RFX1: variants seen among roughly 807,000 people sequenced by gnomAD.
The protein encoded by RFX1 is regulatory factor X1, also known as MHC class II regulatory factor RFX1.
RFX1 carries 42 observed loss-of-function variants against 119.6 expected under a neutral mutation model. The observed-to-expected ratio is 0.35, with a 90% CI of 0.27 to 0.45. RFX1 has a LOEUF of 0.45. Ranked by LOEUF, RFX1 falls within the 20% of genes least tolerant of loss-of-function variation. The pLI is 1.00. For synonymous variants in RFX1, 628 were observed against 618.5 expected (o/e 1.02, Z -0.23); for missense variants, 1,118 against 1,368.1 (o/e 0.82, Z 2.88).
intron 4 of RFX1, among the ~76,000 whole-genome samples, chr19:13,982,826 G>C (rs983698558): frequency 6.6e-6 from 1 of 152,162 alleles, no homozygotes; most frequent in African/African-American, 2.4e-5. Flanking sequence ...GGGTGTGCGC[G>C]GCACCTCATG....
rs376362982 is a variant in RFX1 at position 13,963,212 on chromosome 19, G to A, written c.2634C>T (p.Ile878=). Residue 878 remains isoleucine, a synonymous_variant, in exon 19 of 21, where the codon ATC becomes ATT. Transcript: ENST00000254325. ...ACATGTACTCGTCGTAGAGCAGCCG[G>A]ATGAGGTGGAAGGAACCGAAGCTGG... is the stretch of plus-strand genomic sequence containing the variant. ...SAASFGSFHL[I]RLLYDEYMYY... is the part of the protein sequence containing the mutation. 2.7e-5 allele frequency: 43 copies of A among 1,612,698 alleles called. No homozygotes were observed. The highest frequency in any genetic ancestry group is 1.6e-4 in the Middle Eastern group (1 of 6,080).
chr19:13,967,120 G>C (rs778428856), intron 12 of RFX1, among the ~76,000 whole-genome samples: 1 of 152,182 alleles, frequency 6.6e-6, no homozygotes, highest in Non-Finnish European at 1.5e-5. Flanking sequence ...AAGCACCCCA[G>C]GTTGGGGCTA....
rs749697367 is a variant in RFX1 at position 13,963,724 on chromosome 19, C to T, written c.2384G>A (p.Arg795His). The T allele has an allele frequency of 5.6e-6, 9 of 1,598,508 alleles. No homozygotes were observed. In the African/African-American group the frequency reaches 9.4e-5, roughly 17 times the overall value. Residue 795 changes from arginine (R) to histidine (H), a missense_variant, in exon 18 of 21, where the codon CGC (arginine) becomes CAC (histidine). Around this residue, in one of 5 missense-constraint regions of RFX1, gnomAD observed 68 missense variants for 67.2 expected, o/e 1.01. Transcript: ENST00000254325. ...CCGCTGCACCACGCGGTCCTCGCAGCGGCACACCCACGAGGCCTGCTCCTG... is the reference window on the plus strand; with the variant it reads ...CCGCTGCACCACGCGGTCCTCGCAGTGGCACACCCACGAGGCCTGCTCCTG... Reference protein sequence around the residue: ...NVQEQASWVCRCEDRVVQRLE... With the variant: ...NVQEQASWVCHCEDRVVQRLE...
rs1973988188 is a variant in RFX1, at chr19:13,968,866, G to C, written c.1525C>G (p.Leu509Val). 1 of 1,551,142 alleles carries C rather than the reference G, an allele frequency of 6.4e-7. No homozygotes were observed. The highest frequency in any genetic ancestry group is 1.2e-5 in the South Asian group (1 of 84,290). Residue 509 changes from leucine to valine, a missense_variant, in exon 11 of 21, where the codon CTG becomes GTG. Leu to Val is a conservative substitution (Grantham distance 32). Transcript: ENST00000254325. This position sits in a 1 kb window ranked among gnomAD's most constrained non-coding sequence, Gnocchi z 5.5. The part of the protein sequence containing the change: ...RGNSKYHYYG[L>V]RIKASSPLLR... ...AGGGGTGAGCTGGCCTTGATGCGCA[G>C]GCCATAGTAGTGGTACTTGGAGTTG...
intron 1 of RFX1, among the ~76,000 whole-genome samples, chr19:13,999,987 T>G (rs1376627856): frequency 6.6e-6 from 1 of 152,136 alleles, no homozygotes; most frequent in Non-Finnish European, 1.5e-5. Flanking sequence ...GACCCCTGTT[T>G]TGGATGCCAG....
At chr19:13,991,811 G>A (rs147045802) in intron 2 of RFX1, among the ~76,000 whole-genome samples, 301 of 152,118 alleles carry the variant, frequency 2.0e-3, no homozygotes, top group Non-Finnish European at 3.5e-3. Context: ...ACAGGTTCGC[G>A]CCACCACGCC....
In RFX1 at chr19:14,003,506, G is replaced by GT. The variant is rs1975282912; in HGVS notation, c.-53+2596dup. Among the ~76,000 whole-genome samples, 2 of 152,192 alleles carry GT rather than the reference G, an allele frequency of 1.3e-5. 1 individual carries two copies. The highest frequency in any genetic ancestry group is 4.1e-4 in the South Asian group (2 of 4,832). On this transcript the variant is annotated intron_variant, in intron 1 of 20. Coordinates refer to ENST00000254325, the MANE Select transcript of RFX1 (RefSeq NM_002918.5). ...AATGATAAAAATAAAAGCCAACGGT[G>GT]TATTTCCGAGGGTTGAACAGGAAGC... is the stretch of plus-strand genomic sequence containing the variant.
chr19:13,996,523 C>G (rs1230018293), intron 1 of RFX1, among the ~76,000 whole-genome samples: 1 of 152,174 alleles, frequency 6.6e-6, no homozygotes, highest in African/African-American at 2.4e-5. Context: ...CCACTGAGGT[C>G]ACCTCCTCCT....
intron 6 of RFX1, among the ~76,000 whole-genome samples, chr19:13,979,805 C>T (rs1974371319): frequency 6.6e-6 from 1 of 152,184 alleles, no homozygotes; most frequent in African/African-American, 2.4e-5. Context: ...GAAGCTGTGC[C>T]AAGAACCCGC....
At position 13,962,670 on chromosome 19, in the gene RFX1, CGGGTGGGGCGGGGAG is replaced by C. The variant is rs1315253628; in HGVS notation, c.*10_*24del. 2.7e-6 allele frequency: 1 copy of C among 368,562 alleles called. No individual in the cohort carries two copies. The highest frequency in any genetic ancestry group is 9.8e-5 in the African/African-American group (1 of 10,188). The allele number at this position is 368,562 out of a possible 1,614,324, so 22.8% of individuals were successfully genotyped here. A position where few individuals can be genotyped will look rare whatever the true frequency, so the allele number is the denominator to read the frequency against. ...CCCTGGCGTGGAGGGGTGGCGGGGG[CGGGTGGGGCGGGGAG>C]GCCAAGGGCTTAGCTGGAGGGCAGC... On this transcript the variant is annotated 3_prime_UTR_variant, in exon 21 of 21. Coordinates refer to ENST00000254325, the MANE Select transcript of RFX1 (RefSeq NM_002918.5).
At chr19:13,979,395 C>G in intron 7 of RFX1, 52 bp downstream of exon 7, 6 of 1,363,042 alleles carry the variant, frequency 4.4e-6, no homozygotes, top group Non-Finnish European at 6.0e-6. Context: ...CTCCCCAGCC[C>G]CAGCCCGGGA....
In RFX1 at chr19:13,966,973, G is replaced by C. The variant is rs1280450023; in HGVS notation, c.1733-222C>G. 6.6e-6 allele frequency among the ~76,000 whole-genome samples: 1 copy of C among 152,170 alleles called. No homozygotes were observed. Among genetic ancestry groups the C allele is most frequent in the Non-Finnish European group, 1.5e-5 (1 of 68,012 alleles). On this transcript the variant is annotated intron_variant, in intron 12 of 20. Transcript: ENST00000254325. The surrounding 1 kb of genome is among the most constrained non-coding windows in gnomAD (Gnocchi z 6.3). ...GGAGGGTCTTGTGCCAGCCCTGCCT[G>C]TCTGCTGAGTAACAGCACTGCACCA... is the stretch of plus-strand genomic sequence containing the variant.
chr19:13,994,372 T>G (rs940899284), intron 1 of RFX1, among the ~76,000 whole-genome samples: 11 of 152,148 alleles, frequency 7.2e-5, no homozygotes, highest in African/African-American at 2.4e-4. Flanking sequence ...AGGGCTCTTG[T>G]AGGCCAGGCA....
In RFX1 at chr19:13,986,723, C is replaced by A. The variant is rs978738717; in HGVS notation, c.320-3128G>T. Among the ~76,000 whole-genome samples, 1 of 152,150 alleles carries A rather than the reference C, an allele frequency of 6.6e-6. No homozygotes were observed. The highest frequency in any genetic ancestry group is 1.5e-5 in the Non-Finnish European group (1 of 67,994). On this transcript the variant is annotated intron_variant, in intron 2 of 20. Transcript: ENST00000254325. The surrounding 1 kb of genome is among the most constrained non-coding windows in gnomAD (Gnocchi z 4.2). ...AATCTGACACATTAACATCTCTGAG[C>A]AGTGGAATGACTCTGACAAGTGGGC...
Position 13,973,125 on chromosome 19 carries a change from C to T in RFX1, c.932G>A (p.Arg311His), listed in dbSNP as rs371257748. ...CTCGGGATAGGAGTAGGTGCTGGAA[C>T]GGCTGGGAAAGAGGCAAAGCCAAGG... ...GDASYTASAI[R>H]SSTYSYPETP... The change falls in exon 9 of 21, where the codon CGT becomes CAT. Residue 311 changes from arginine to histidine, a missense_variant and splice_region_variant. By Grantham distance (29) the Arg-to-His change is conservative. This residue lies in a region of RFX1 where 542 missense variants were observed against 602.7 expected (regional missense o/e 0.90). Coordinates refer to ENST00000254325, the MANE Select transcript of RFX1 (RefSeq NM_002918.5). 1.1e-5 allele frequency: 17 copies of T among 1,593,624 alleles called. No individual in the cohort carries two copies. Among genetic ancestry groups the T allele is most frequent in the Non-Finnish European group, 1.4e-5 (16 of 1,179,044 alleles).
chr19:13,991,858 C>G (rs1201307189), intron 2 of RFX1, among the ~76,000 whole-genome samples: 1 of 152,074 alleles, frequency 6.6e-6, no homozygotes, highest in Non-Finnish European at 1.5e-5. Flanking sequence ...GATGGGGTCT[C>G]ACCATGTTGG....
chr19:13,973,086 G>C lies in RFX1; in HGVS notation c.971C>G (p.Thr324Arg). ...GTAGTAGCTGGTGCTTGCCGTCTGC[G>C]TGTACAGCGGCGTCTCGGGATAGGA... ...TYSYPETPLY[T>R]QTASTSYYEA... Residue 324 changes from threonine (T) to arginine (R), a missense_variant, in exon 9 of 21, where the codon ACG (threonine) becomes AGG (arginine). Transcript: ENST00000254325. 10 of 1,601,120 alleles carry C rather than the reference G, an allele frequency of 6.2e-6. No individual in the cohort carries two copies. The highest frequency in any genetic ancestry group is 8.5e-6 in the Non-Finnish European group (10 of 1,179,876).
intron 12 of RFX1, among the ~76,000 whole-genome samples, chr19:13,967,091 A>T (rs1973928070): frequency 6.6e-6 from 1 of 152,206 alleles, no homozygotes; most frequent in South Asian, 2.1e-4. Context: ...TCAGGACCAC[A>T]GGACACTGCC....
chr19:13,997,086 C>T (rs1355070305), intron 1 of RFX1, among the ~76,000 whole-genome samples: 4 of 152,274 alleles, frequency 2.6e-5, no homozygotes, highest in Middle Eastern at 3.4e-3. Context: ...GAGACCCAAG[C>T]GTCACCTGCA....
Sources: allele counts gnomAD v4.1 joint callset (sites outside exome capture counted in the v4.1 genomes callset), GRCh38; gene constraint gnomAD v4.1.1; regional missense constraint gnomAD v4.1.1; non-coding constraint Gnocchi (gnomAD v3.1); transcripts MANE v1.5; gene names NCBI Gene and HGNC (gene_info 2026-07-23, HGNC 2026-07-21).